The following TOMM20L variants were observed in gnomAD, a reference collection of about 807,000 sequenced individuals.
TOMM20L encodes the protein TOMM20-like protein 1.
TOMM20L carries 19 observed loss-of-function variants against 20.4 expected under a neutral mutation model. That is an observed-to-expected ratio of 0.93 (90% CI 0.65 to 1.36). TOMM20L has a LOEUF of 1.36. Ranked by LOEUF, TOMM20L falls within the 40% of genes most tolerant of loss-of-function variation. The pLI, the probability that TOMM20L is intolerant of heterozygous loss-of-function variation, is 0.00. For missense variants in TOMM20L, 218 were observed against 203.7 expected, an observed-to-expected ratio of 1.07 and a Z score of -0.43; for synonymous variants, 75 against 79.6, an observed-to-expected ratio of 0.94 and a Z score of 0.30.
rs752436646 is a variant in TOMM20L, at chr14:58,396,023, C to T, written c.66C>T (p.Phe22=). The change falls in exon 1 of 5, where the codon TTC becomes TTT. Residue 22 remains phenylalanine (F), a synonymous_variant. Coordinates refer to ENST00000360945, the MANE Select transcript of TOMM20L (RefSeq NM_207377.3). ...CGGCGGCCTGTGGCGCCTTCGCCTT[C>T]CTGGGCTATTGTATTTACCTCAACC... ...AAAAACGAFA[F]LGYCIYLNRK... is the part of the protein sequence containing the mutation. The T allele has an allele frequency of 1.4e-5, 21 of 1,453,240 alleles. No individual in the cohort carries two copies. The highest frequency in any genetic ancestry group is 4.5e-5 in the South Asian group (3 of 66,130). The allele number at this position is 1,453,240 out of a possible 1,614,324, so 90.0% of individuals were successfully genotyped here.
At chr14:58,409,103 A>C (rs2036124565), downstream of TOMM20L, 3 of 1,614,014 alleles carry the variant, frequency 1.9e-6, no homozygotes, top group Non-Finnish European at 2.5e-6. Flanking sequence ...GATATTCCTG[A>C]AATCTCATGG....
the TOMM20L span, among the ~76,000 whole-genome samples, chr14:58,415,903 T>C: frequency 6.6e-6 from 1 of 151,834 alleles, no homozygotes; most frequent in Non-Finnish European, 1.5e-5. Flanking sequence ...CATCGACACA[T>C]AATAGTCAAA....
chr14:58,415,122 A>T, the TOMM20L span, among the ~76,000 whole-genome samples: 1 of 152,212 alleles, frequency 6.6e-6, no homozygotes, highest in East Asian at 1.9e-4. Flanking sequence ...CCTAGCAGTA[A>T]CAAGAAACTC....
intron 2 of TOMM20L, among the ~76,000 whole-genome samples, chr14:58,400,195 C>CA (rs2035976722): frequency 6.6e-6 from 1 of 151,704 alleles, no homozygotes; most frequent in African/African-American, 2.4e-5. Context: ...CACCTGAGGT[C>CA]AGGAGTTCAA....
chr14:58,414,665 G>C, the TOMM20L span, among the ~76,000 whole-genome samples: 3 of 150,842 alleles, frequency 2.0e-5, no homozygotes, highest in African/African-American at 7.3e-5. Context: ...TTGACCCCTT[G>C]GGCGGAGGTT....
intron 3 of TOMM20L, 62 bp downstream of exon 3, chr14:58,402,823 T>TAGTA: frequency 7.8e-7 from 1 of 1,276,630 alleles, no homozygotes. Context: ...TATTTATTGA[T>TAGTA]TAGTATTTGT....
intron 4 of TOMM20L, 65 bp downstream of exon 4, chr14:58,407,533 C>T (rs1049585967): frequency 1.3e-6 from 2 of 1,485,658 alleles, no homozygotes; most frequent in African/African-American, 1.4e-5. Flanking sequence ...TGCTTGACTA[C>T]ACAGAAATAT....
chr14:58,408,891 G>A (rs908535271), downstream of TOMM20L: 2 of 1,222,320 alleles, frequency 1.6e-6, no homozygotes, highest in African/African-American at 3.1e-5. Flanking sequence ...TGTTTCTCCA[G>A]CGGTTTCCAT....
At chr14:58,399,360 A>G (rs974657672) in intron 2 of TOMM20L, among the ~76,000 whole-genome samples, 1 of 152,188 alleles carries the variant, frequency 6.6e-6, no homozygotes, top group African/African-American at 2.4e-5. Context: ...GATCCCAGCA[A>G]TTCTGATCCA....
chr14:58,404,149 A>T (rs1263812665), intron 3 of TOMM20L, among the ~76,000 whole-genome samples: 2 of 5,694 alleles, frequency 3.5e-4, no homozygotes, highest in Non-Finnish European at 5.8e-4. Context: ...TTTTTTTTGG[A>T]GACGGAGTCT....
chr14:58,404,104 T>TATATATATATATATATATATAC (rs1265126629), intron 3 of TOMM20L, among the ~76,000 whole-genome samples: 2 of 17,504 alleles, frequency 1.1e-4, no homozygotes, highest in Non-Finnish European at 1.6e-4. Context: ...TATATGTATA[T>TATATATATATATATATATATAC]ATATATATAT....
At chr14:58,396,476 C>G in intron 2 of TOMM20L, 135 bp downstream of exon 2, 1 of 883,706 alleles carries the variant, frequency 1.1e-6, no homozygotes, top group East Asian at 2.8e-5. Context: ...GGCCTGCCCT[C>G]GCGCGCCACG....
chr14:58,408,929 A>G (rs2036118047), downstream of TOMM20L: 1 of 1,486,400 alleles, frequency 6.7e-7, no homozygotes, highest in African/African-American at 1.4e-5. Flanking sequence ...CAGATGGTTG[A>G]ACATGGTGGC....
chr14:58,400,880 AAAAC>A (rs999462939), intron 2 of TOMM20L, among the ~76,000 whole-genome samples: 18 of 152,180 alleles, frequency 1.2e-4, no homozygotes, highest in Admixed American at 3.3e-4. Context: ...TCTGTCTCAA[AAAAC>A]AAACAAACAA....
downstream of TOMM20L, among the ~76,000 whole-genome samples, chr14:58,411,126 T>A (rs183610464): frequency 8.5e-5 from 13 of 152,284 alleles, no homozygotes; most frequent in Admixed American, 8.5e-4. Context: ...AATATTTAAT[T>A]TTTCCTTGAT....
At chr14:58,409,873 C>T (rs2036157210), downstream of TOMM20L, among the ~76,000 whole-genome samples, 1 of 151,944 alleles carries the variant, frequency 6.6e-6, no homozygotes, top group African/African-American at 2.4e-5. Flanking sequence ...CCACCGCGCC[C>T]AGCCTATTTA....
downstream of TOMM20L, chr14:58,409,107 C>A: frequency 6.2e-7 from 1 of 1,613,880 alleles, no homozygotes; most frequent in Non-Finnish European, 8.5e-7. Flanking sequence ...TTCCTGAAAT[C>A]TCATGGATAT....
chr14:58,408,789 C>CTGAA (rs1160407303), downstream of TOMM20L: 2 of 686,136 alleles, frequency 2.9e-6, no homozygotes, highest in African/African-American at 3.7e-5. Context: ...GACCAAGCTG[C>CTGAA]TGAATCATAA....
chr14:58,416,748 T>C, the TOMM20L span, among the ~76,000 whole-genome samples: 5 of 152,210 alleles, frequency 3.3e-5, no homozygotes, highest in Non-Finnish European at 5.9e-5. Flanking sequence ...TATGCTGACA[T>C]CATTACATGG....
Sources: allele counts gnomAD v4.1 joint callset (sites outside exome capture counted in the v4.1 genomes callset), GRCh38; gene constraint gnomAD v4.1.1; transcripts MANE v1.5; gene names NCBI Gene and HGNC (gene_info 2026-07-23, HGNC 2026-07-21).